The following MSRA variants were observed in gnomAD, a reference collection of about 807,000 sequenced individuals.
MSRA encodes the protein mitochondrial peptide methionine sulfoxide reductase.
In MSRA, 54 loss-of-function variants were observed where a neutral mutation model predicts 31.3. That is an observed-to-expected ratio of 1.73 (90% confidence interval 1.39 to 2.17). The LOEUF is 2.17. Among genes scored for constraint, MSRA ranks in the 30% most tolerant of loss-of-function variants. The pLI is 0.00. For synonymous variants in MSRA, 169 were observed against 116.5 expected (o/e 1.45, Z -2.90); for missense variants, 507 against 300.9 (o/e 1.69, Z -5.07).
chr8:10,076,140 A>G (rs755885893), intron 1 of MSRA, among the ~76,000 whole-genome samples: 33 of 152,324 alleles, frequency 2.2e-4, no homozygotes, highest in Non-Finnish European at 1.0e-4. Flanking sequence ...CATTTGTAAA[A>G]CAGACAGTCG....
intron 1 of MSRA, among the ~76,000 whole-genome samples, chr8:10,203,011 G>C (rs1277351066): frequency 2.6e-5 from 4 of 151,844 alleles, no homozygotes; most frequent in African/African-American, 9.7e-5. Flanking sequence ...TGAGTGTTGT[G>C]CCTGCGGTCC....
chr8:10,160,557 A>C (rs766486577), intron 1 of MSRA, among the ~76,000 whole-genome samples: 47 of 152,174 alleles, frequency 3.1e-4, no homozygotes, highest in South Asian at 6.2e-4. Flanking sequence ...CGTCCTTAAA[A>C]CAGTTTTATT....
chr8:10,233,182 C>A (rs950265111), intron 2 of MSRA, among the ~76,000 whole-genome samples: 2 of 152,174 alleles, frequency 1.3e-5, no homozygotes, highest in South Asian at 2.1e-4. Flanking sequence ...TTACCTGTTT[C>A]TTGTTGTAGC....
chr8:10,356,277 TTTC>T (rs1395081789), intron 5 of MSRA, among the ~76,000 whole-genome samples: 2 of 152,382 alleles, frequency 1.3e-5, no homozygotes, highest in Non-Finnish European at 2.9e-5. Context: ...AAAAGTTTGT[TTTC>T]TTCTTTTTGT....
At position 10,283,832 on chromosome 8, in the gene MSRA, T is replaced by TACACAC. The variant is rs1338639680; in HGVS notation, c.332-17701_332-17700insCACACA. On this transcript the variant is annotated intron_variant, in intron 3 of 5. Transcript: ENST00000317173. ...ATATATATATATATATATATATATA[T>TACACAC]ATATACACACACACACACACACACA... Among the ~76,000 whole-genome samples the TACACAC allele has an allele frequency of 2.7e-3, 179 of 65,306 alleles. 2 individuals are homozygous for TACACAC. Among genetic ancestry groups the TACACAC allele is most frequent in the Admixed American group, 4.5e-3 (21 of 4,628 alleles). The allele number at this position is 65,306 out of a possible 152,430, so 42.8% of individuals were successfully genotyped here.
chr8:10,126,722 C>A (rs1801525225), intron 1 of MSRA, among the ~76,000 whole-genome samples: 1 of 152,184 alleles, frequency 6.6e-6, no homozygotes, highest in Admixed American at 6.5e-5. Flanking sequence ...CCATGTTGGC[C>A]AGGCTGGTCT....
intron 5 of MSRA, among the ~76,000 whole-genome samples, chr8:10,426,233 C>T (rs973565378): frequency 4.6e-5 from 7 of 152,292 alleles, no homozygotes; most frequent in Middle Eastern, 3.4e-3. Context: ...CAGTCTGGAG[C>T]CAAATGCTGT....
At chr8:10,162,968 A>T (rs1204528729) in intron 1 of MSRA, among the ~76,000 whole-genome samples, 2 of 152,170 alleles carry the variant, frequency 1.3e-5, no homozygotes, top group Non-Finnish European at 2.9e-5. Context: ...TTGAAATCCT[A>T]GCCCACAAAT....
chr8:10,177,914 C>T (rs1384239996), intron 1 of MSRA, among the ~76,000 whole-genome samples: 4 of 152,054 alleles, frequency 2.6e-5, no homozygotes, highest in Admixed American at 6.5e-5. Context: ...TCTCCTTGGT[C>T]CTAAGTTAAG....
chr8:10,341,353 T>C (rs757634777), intron 5 of MSRA, among the ~76,000 whole-genome samples: 75 of 150,746 alleles, frequency 5.0e-4, no homozygotes, highest in African/African-American at 7.3e-5. Flanking sequence ...GGAGAGAGAG[T>C]TGGGGGGAGG....
At chr8:10,132,959 C>T (rs1802004257) in intron 1 of MSRA, among the ~76,000 whole-genome samples, 1 of 152,146 alleles carries the variant, frequency 6.6e-6, no homozygotes, top group Non-Finnish European at 1.5e-5. Context: ...ATAGGCCTGG[C>T]CTCAAATATA....
At chr8:10,353,610 C>G in intron 5 of MSRA, 1 of 456,094 alleles carries the variant, frequency 2.2e-6, no homozygotes, top group Non-Finnish European at 4.4e-6. Flanking sequence ...ATGCCTTTTC[C>G]TTTAGGTACC....
At chr8:10,381,484 G>T (rs1287671982) in intron 5 of MSRA, among the ~76,000 whole-genome samples, 4 of 152,200 alleles carry the variant, frequency 2.6e-5, no homozygotes, top group Admixed American at 2.6e-4. Flanking sequence ...AGGCCTAGAT[G>T]CTGGAGCTGG....
intron 5 of MSRA, among the ~76,000 whole-genome samples, chr8:10,423,541 T>C (rs1482877436): frequency 1.3e-5 from 2 of 152,002 alleles, no homozygotes; most frequent in African/African-American, 2.4e-5. Flanking sequence ...AGAGGAACCA[T>C]CTGTAACCCA....
chr8:10,364,613 C>A (rs76992324), intron 5 of MSRA, among the ~76,000 whole-genome samples: 4,308 of 152,308 alleles, frequency 0.028, 82 homozygotes, highest in Non-Finnish European at 0.042. Context: ...TTCCACTTGA[C>A]AGGAGGCTGA....
chr8:10,193,710 G>T (rs1447082121), intron 1 of MSRA, among the ~76,000 whole-genome samples: 2 of 152,122 alleles, frequency 1.3e-5, no homozygotes, highest in African/African-American at 4.8e-5. Flanking sequence ...GAACCAAAGT[G>T]GAAGATTTTG....
chr8:10,423,908 CTCATTCAT>C (rs145609986), intron 5 of MSRA, among the ~76,000 whole-genome samples: 3 of 130,672 alleles, frequency 2.3e-5, no homozygotes, highest in South Asian at 2.4e-4. Flanking sequence ...AGTTCATTTT[CTCATTCAT>C]TCATTCATTC....
chr8:10,182,578 A>G (rs1452306390), intron 1 of MSRA, among the ~76,000 whole-genome samples: 1 of 152,010 alleles, frequency 6.6e-6, no homozygotes, highest in Non-Finnish European at 1.5e-5. Context: ...TTTATTTTTT[A>G]TTTATTGTGG....
chr8:10,376,140 G>A (rs1370437809), intron 5 of MSRA, among the ~76,000 whole-genome samples: 2 of 152,144 alleles, frequency 1.3e-5, no homozygotes, highest in Non-Finnish European at 2.9e-5. Flanking sequence ...AATCTGAGCT[G>A]CTCATGGTTG....
Sources: gnomAD v4.1 joint callset for allele counts (sites outside exome capture counted in the v4.1 genomes callset) on GRCh38, gnomAD v4.1.1 for gene constraint, MANE v1.5 for transcripts, NCBI Gene and HGNC (gene_info 2026-07-23, HGNC 2026-07-21) for gene names.